GPHN: variants seen among roughly 807,000 people sequenced by gnomAD.
GPHN encodes gephyrin.
In GPHN, 17 loss-of-function variants were observed where a neutral mutation model predicts 95.5. The ratio of observed to expected loss-of-function variants is 0.18; its 90% CI spans 0.12 to 0.27. The LOEUF is 0.27. Among genes scored for constraint, GPHN ranks in the 10% least tolerant of loss-of-function variants. The probability of loss-of-function intolerance (pLI) is 1.00; values close to 1 mark genes in which losing one functional copy is unlikely to be tolerated. For missense variants in GPHN, 660 were observed against 978.1 expected, an observed-to-expected ratio of 0.67 and a Z score of 4.34; for synonymous variants, 320 against 322.5, an observed-to-expected ratio of 0.99 and a Z score of 0.08.
chr14:67,089,008 A>T lies in GPHN; in HGVS notation c.1170A>T (p.Gln390His), dbSNP rs1239161227. The change falls in exon 12 of 23, where the codon CAA becomes CAT. Residue 390 changes from glutamine to histidine, a missense_variant. Physicochemically the swap from Gln to His is conservative, Grantham distance 24 (BLOSUM62 0). Coordinates refer to ENST00000478722, the MANE Select transcript of GPHN (RefSeq NM_020806.5). ...ATGGAATGGGGCGAGTCCTTGCTCAAGATGTATATGCAAAAGACAATTTAC... is the reference window on the plus strand; with the variant it reads ...ATGGAATGGGGCGAGTCCTTGCTCATGATGTATATGCAAAAGACAATTTAC... ...YRDGMGRVLA[Q>H]DVYAKDNLPP... The T allele has an allele frequency of 1.9e-6, 3 of 1,601,172 alleles. No homozygotes were observed. The highest frequency in any genetic ancestry group is 2.6e-6 in the Non-Finnish European group (3 of 1,168,244).
chr14:67,313,894 ATTTGT>A, the GPHN span, among the ~76,000 whole-genome samples: 1 of 151,938 alleles, frequency 6.6e-6, no homozygotes, highest in Non-Finnish European at 1.5e-5. Context: ...GCCAAGTCTT[ATTTGT>A]TTTAAATCCA....
intron 5 of GPHN, among the ~76,000 whole-genome samples, chr14:66,908,650 A>G (rs1019796644): frequency 3.9e-5 from 6 of 152,056 alleles, no homozygotes; most frequent in Admixed American, 6.6e-5. Context: ...TAACTTTGCT[A>G]TGGGGAGCAC....
chr14:67,363,987 G>C, the GPHN span: 1 of 152,176 alleles, frequency 6.6e-6, no homozygotes, highest in Admixed American at 6.5e-5. Context: ...CTGAAAGTAG[G>C]TTGGGTGGAT....
the GPHN span, chr14:67,515,414 C>T: frequency 5.5e-6 from 1 of 182,916 alleles, no homozygotes; most frequent in Non-Finnish European, 1.1e-5. Flanking sequence ...CCCCCGGCGG[C>T]GGCGGCGGCG....
At chr14:67,036,007 A>G (rs2074404918) in intron 10 of GPHN, among the ~76,000 whole-genome samples, 1 of 151,904 alleles carries the variant, frequency 6.6e-6, no homozygotes, top group Non-Finnish European at 1.5e-5. Context: ...ATACTAGGAA[A>G]CCAAATTGGA....
At chr14:67,039,714 G>A (rs1017013399) in intron 10 of GPHN, among the ~76,000 whole-genome samples, 1 of 152,152 alleles carries the variant, frequency 6.6e-6, no homozygotes. Flanking sequence ...GATTCCTTGA[G>A]CCCAGGAGGT....
At chr14:67,419,145 A>G in the GPHN span, among the ~76,000 whole-genome samples, 1 of 152,046 alleles carries the variant, frequency 6.6e-6, no homozygotes, top group Non-Finnish European at 1.5e-5. Context: ...GCCTCCTTCC[A>G]TTCTGCTTTC....
the GPHN span, chr14:67,587,186 A>G: frequency 6.2e-7 from 1 of 1,613,828 alleles, no homozygotes; most frequent in Non-Finnish European, 8.5e-7. Context: ...GATGGACGAC[A>G]GTTCTTTTCT....
chr14:67,408,804 C>A, the GPHN span, among the ~76,000 whole-genome samples: 9 of 152,254 alleles, frequency 5.9e-5, no homozygotes, highest in African/African-American at 2.2e-4. Flanking sequence ...TTTTTCTTTA[C>A]TCATACATTT....
chr14:67,650,581 TA>T, the GPHN span: 2 of 748,672 alleles, frequency 2.7e-6, no homozygotes, highest in Non-Finnish European at 2.2e-6. Context: ...AGGGGCTTCC[TA>T]AAAATAGGTA....
rs527611469 is a variant in GPHN, at chr14:66,519,336, TAC to T, written c.64+10747_64+10748del. ...AAATCTTTTTGTTTATTCTTTTGTA[TAC>T]AGTCATATATTTGATATATTTGAAT... On this transcript the variant is annotated intron_variant, in intron 1 of 22. Transcript: ENST00000478722. Among the ~76,000 whole-genome samples the T allele has an allele frequency of 9.9e-5, 15 of 152,174 alleles. No homozygotes were observed. The East Asian group carries it at 2.7e-3, about 27-fold the overall frequency.
At chr14:67,098,757 G>T (rs2077532982) in intron 12 of GPHN, among the ~76,000 whole-genome samples, 1 of 151,772 alleles carries the variant, frequency 6.6e-6, no homozygotes, top group Admixed American at 6.6e-5. Context: ...GGGAGGCAGA[G>T]GTTGCAGTGA....
At chr14:67,537,414 A>G in the GPHN span, among the ~76,000 whole-genome samples, 1 of 149,174 alleles carries the variant, frequency 6.7e-6, no homozygotes, top group African/African-American at 2.5e-5. Context: ...CAGTGGCTCA[A>G]CACACTTTAG....
chr14:67,427,620 T>C, the GPHN span, among the ~76,000 whole-genome samples: 1 of 152,188 alleles, frequency 6.6e-6, no homozygotes, highest in Non-Finnish European at 1.5e-5. Context: ...CATTTTCAGT[T>C]CTTATTCCCA....
At chr14:67,026,599 A>G (rs950194936) in intron 10 of GPHN, among the ~76,000 whole-genome samples, 1 of 152,160 alleles carries the variant, frequency 6.6e-6, no homozygotes, top group Non-Finnish European at 1.5e-5. Context: ...AGTTGAAGCC[A>G]GTATTTCAGA....
the GPHN span, among the ~76,000 whole-genome samples, chr14:67,420,880 T>C: frequency 1.3e-5 from 2 of 152,092 alleles, no homozygotes; most frequent in Admixed American, 6.5e-5. Flanking sequence ...TGGAAGAAAA[T>C]AGCAAACAAT....
intron 4 of GPHN, among the ~76,000 whole-genome samples, chr14:66,848,885 C>A (rs2062453749): frequency 6.6e-6 from 1 of 151,674 alleles, no homozygotes; most frequent in African/African-American, 2.4e-5. Flanking sequence ...TTAATTTGCC[C>A]AACTGGGAGC....
chr14:66,568,870 G>T (rs529459429), intron 1 of GPHN, among the ~76,000 whole-genome samples: 1 of 152,000 alleles, frequency 6.6e-6, no homozygotes, highest in South Asian at 2.1e-4. Flanking sequence ...AATTAATTAT[G>T]AAAATTATTT....
At chr14:67,593,534 C>T in the GPHN span, 1 of 537,268 alleles carries the variant, frequency 1.9e-6, no homozygotes, top group East Asian at 3.1e-5. Context: ...GGAAAAAATG[C>T]CAGTGATAAT....
Sources: allele counts gnomAD v4.1 joint callset (sites outside exome capture counted in the v4.1 genomes callset), GRCh38; gene constraint gnomAD v4.1.1; transcripts MANE v1.5; gene names NCBI Gene and HGNC (gene_info 2026-07-23, HGNC 2026-07-21).